ZPBP: variants seen among roughly 807,000 people sequenced by gnomAD.
The protein encoded by ZPBP is zona pellucida binding protein.
ZPBP carries 26 observed loss-of-function variants against 44.8 expected under a neutral mutation model. The observed-to-expected ratio is 0.58, with a 90% CI of 0.43 to 0.81. The LOEUF is 0.81. ZPBP is among the 30% of genes least tolerant of loss of function. The pLI is 0.00. For missense variants in ZPBP, 409 were observed against 434.0 expected, an observed-to-expected ratio of 0.94 and a Z score of 0.51; for synonymous variants, 174 against 153.2, an observed-to-expected ratio of 1.14 and a Z score of -1.00.
At chr7:49,916,126 C>T (rs2128744970) in intron 1 of ZPBP, 1 of 152,348 alleles carries the variant, frequency 6.6e-6, no homozygotes, top group African/African-American at 2.4e-5. Flanking sequence ...GTCATATCCT[C>T]ACTTCACACC....
Position 49,924,897 on chromosome 7 carries a change from C to A in ZPBP, n.411+10854G>T, listed in dbSNP as rs6976931. 1.5e-4 allele frequency among the ~76,000 whole-genome samples: 23 copies of A among 152,186 alleles called. No individual in the cohort carries two copies. In the South Asian group the frequency reaches 4.4e-3, roughly 29 times the overall value. ...TATTGCCTCCCATAAATCCCAGACC[C>A]ACCAACAGGCACCGACCATAAACAC... On this transcript the variant is annotated intron_variant and non_coding_transcript_variant, in intron 1 of 2. Transcript: ENST00000465922.
chr7:49,959,725 CTT>C (rs1795770759), intron 7 of ZPBP, among the ~76,000 whole-genome samples: 2 of 152,134 alleles, frequency 1.3e-5, no homozygotes, highest in African/African-American at 4.8e-5. Context: ...CAGTTGAACT[CTT>C]TGTAGAAATT....
intron 7 of ZPBP, among the ~76,000 whole-genome samples, chr7:49,950,349 CA>C (rs1345908218): frequency 6.6e-6 from 1 of 151,750 alleles, no homozygotes; most frequent in Non-Finnish European, 1.5e-5. Context: ...GCTGTTAACA[CA>C]AAAATATAAG....
At chr7:50,018,088 A>G (rs987193628) in intron 6 of ZPBP, 152 bp downstream of exon 6, 2 of 620,404 alleles carry the variant, frequency 3.2e-6, no homozygotes, top group East Asian at 5.6e-5. Context: ...TTAATGTCTT[A>G]TCTTTTATTA....
rs1562819639 is a variant in ZPBP at position 49,981,421 on chromosome 7, A to ATT, written c.961+1920_961+1921insAA. On this transcript the variant is annotated intron_variant, in intron 7 of 7. Transcript: ENST00000046087. ...TATATATAAAATATATATAATATAT[A>ATT]ATATAAAATATATATAATATATATT... 3.8e-5 allele frequency among the ~76,000 whole-genome samples: 2 copies of ATT among 52,550 alleles called. 1 individual carries two copies. The highest frequency in any genetic ancestry group is 1.3e-3 in the South Asian group (2 of 1,588). 34.5% of individuals were successfully genotyped at this position (52,550 alleles called of 152,430 possible).
chr7:49,943,633 C>G, intron 7 of ZPBP: 2 of 318,316 alleles, frequency 6.3e-6, no homozygotes, highest in South Asian at 6.2e-5. Context: ...AGCAACCCAT[C>G]ATTTTGTTGC....
chr7:49,864,769 A>G (rs986608803), intron 2 of ZPBP, among the ~76,000 whole-genome samples: 9 of 152,232 alleles, frequency 5.9e-5, no homozygotes, highest in African/African-American at 2.2e-4. Flanking sequence ...ACCCGGGACC[A>G]AGTTCCCAGC....
intron 3 of ZPBP, among the ~76,000 whole-genome samples, chr7:50,071,363 G>A (rs1801824097): frequency 1.3e-5 from 2 of 152,142 alleles, no homozygotes; most frequent in Admixed American, 6.6e-5. Flanking sequence ...ATGAACTTGA[G>A]TGCCTGCAAA....
chr7:50,068,321 G>A (rs1281538334), intron 3 of ZPBP, among the ~76,000 whole-genome samples: 1 of 152,000 alleles, frequency 6.6e-6, no homozygotes. Flanking sequence ...CCCAACTACT[G>A]GACACTTTTA....
At chr7:50,070,480 C>T (rs1041089750) in intron 3 of ZPBP, among the ~76,000 whole-genome samples, 15 of 152,196 alleles carry the variant, frequency 9.9e-5, no homozygotes, top group Admixed American at 1.3e-4. Flanking sequence ...GAAGCTCTCC[C>T]GTGGTGCGCC....
At chr7:50,046,849 T>C (rs1800393655) in intron 4 of ZPBP, among the ~76,000 whole-genome samples, 1 of 152,234 alleles carries the variant, frequency 6.6e-6, no homozygotes. Context: ...TGTATATGTA[T>C]GTTTACTGCA....
intron 7 of ZPBP, among the ~76,000 whole-genome samples, chr7:49,969,679 A>C (rs531709186): frequency 7.4e-4 from 112 of 152,148 alleles, no homozygotes; most frequent in African/African-American, 2.6e-3. Context: ...ACACAGAAAA[A>C]GGACTTTCTA....
At chr7:49,889,216 A>G (rs371125431) in intron 2 of ZPBP, among the ~76,000 whole-genome samples, 1 of 152,156 alleles carries the variant, frequency 6.6e-6, no homozygotes, top group East Asian at 1.9e-4. Flanking sequence ...CTTTTAAAAT[A>G]TATTAATGGA....
chr7:50,050,629 C>T (rs555566383), intron 4 of ZPBP, among the ~76,000 whole-genome samples: 1 of 151,550 alleles, frequency 6.6e-6, no homozygotes, highest in South Asian at 2.1e-4. Context: ...AAATGCATGC[C>T]ATAGTTAAAT....
intron 2 of ZPBP, among the ~76,000 whole-genome samples, chr7:50,085,486 T>C (rs1279536385): frequency 6.6e-6 from 1 of 151,922 alleles, no homozygotes; most frequent in Non-Finnish European, 1.5e-5. Flanking sequence ...CAACCAACAG[T>C]TTACAATCAC....
intron 4 of ZPBP, 86 bp from the exon 5 acceptor site, chr7:50,031,396 T>A (rs1304429284): frequency 4.0e-6 from 4 of 1,002,536 alleles, no homozygotes; most frequent in Non-Finnish European, 4.4e-6. Flanking sequence ...ATATCATTAT[T>A]TGGTATGAAT....
chr7:50,092,269 T>C (rs1803032336), intron 1 of ZPBP, among the ~76,000 whole-genome samples: 1 of 152,196 alleles, frequency 6.6e-6, no homozygotes, highest in African/African-American at 2.4e-5. Context: ...AGAAGAATAA[T>C]CTTTGGATTC....
intron 3 of ZPBP, among the ~76,000 whole-genome samples, chr7:50,072,972 T>C (rs946131050): frequency 6.6e-6 from 1 of 152,110 alleles, no homozygotes; most frequent in African/African-American, 2.4e-5. Context: ...CAGTGAAGAC[T>C]ACAATGAATA....
intron 4 of ZPBP, among the ~76,000 whole-genome samples, chr7:50,041,295 A>G (rs1351281926): frequency 6.6e-6 from 1 of 152,190 alleles, no homozygotes; most frequent in African/African-American, 2.4e-5. Context: ...CCCAGCACAG[A>G]GCTCAAGCTC....
Sources: allele counts gnomAD v4.1 joint callset (sites outside exome capture counted in the v4.1 genomes callset), GRCh38; gene constraint gnomAD v4.1.1; transcripts MANE v1.5; gene names NCBI Gene and HGNC (gene_info 2026-07-23, HGNC 2026-07-21).